Variants in ANKRD13B observed in about 807,000 individuals in gnomAD.
ANKRD13B encodes ankyrin repeat domain-containing protein 13B.
A neutral mutation model predicts 74.4 loss-of-function variants in ANKRD13B; 33 were observed. The ratio of observed to expected loss-of-function variants is 0.44; its 90% CI spans 0.34 to 0.59. The LOEUF (loss-of-function observed/expected upper bound fraction) is 0.59. Among genes scored for constraint, ANKRD13B ranks in the 20% least tolerant of loss-of-function variants. ANKRD13B has a pLI of 0.02. For missense variants in ANKRD13B, 676 were observed against 877.9 expected, an observed-to-expected ratio of 0.77 and a Z score of 2.91; for synonymous variants, 341 against 362.9, an observed-to-expected ratio of 0.94 and a Z score of 0.68.
Position 29,611,991 on chromosome 17 carries a change from C to T in ANKRD13B, c.1085C>T (p.Thr362Ile). ...GATATGGGCCGCCCCATGGAACTGA[C>T]CACCAAGACACAGAAGTGAGGCCCC... The part of the protein sequence containing the change: ...NRDMGRPMEL[T>I]TKTQKFKAKL... Residue 362 changes from threonine to isoleucine, a missense_variant, in exon 10 of 15, where the codon ACC (threonine) becomes ATC (isoleucine). Physicochemically the swap from Thr to Ile is moderately conservative, Grantham distance 89 (BLOSUM62 -1). Coordinates refer to ENST00000394859, the MANE Select transcript of ANKRD13B (RefSeq NM_152345.5). The surrounding 1 kb of genome is among the most constrained non-coding windows in gnomAD (Gnocchi z 4.3). 1 of 1,612,582 alleles carries T rather than the reference C, an allele frequency of 6.2e-7. No individual in the cohort carries two copies. The highest frequency in any genetic ancestry group is 8.5e-7 in the Non-Finnish European group (1 of 1,179,310).
chr17:29,613,518 G>GGC lies in ANKRD13B; in HGVS notation c.1826_1827dup (p.Gln610AlafsTer11). 2.0e-6 allele frequency: 3 copies of GGC among 1,526,080 alleles called. No homozygotes were observed. Among genetic ancestry groups the GGC allele is most frequent in the South Asian group, 1.2e-5 (1 of 81,522 alleles). The allele number at this position is 1,526,080 out of a possible 1,614,324, so 94.5% of individuals were successfully genotyped here. A position where few individuals can be genotyped will look rare whatever the true frequency, so the allele number is the denominator to read the frequency against. On this transcript the variant is annotated frameshift_variant, in exon 15 of 15. Transcript: ENST00000394859. LOFTEE classifies it high-confidence loss of function. Reference sequence around the variant, plus strand: ...GCGCAGGAGCAGGAGGAGAGGCGGCGGCGCGCGCGCCAGGAGGAGGAGGAG... The same window carrying GGC: ...GCGCAGGAGCAGGAGGAGAGGCGGCGGCGCGCGCGCGCCAGGAGGAGGAGGAG...
rs370416808 is a variant in ANKRD13B at position 29,609,231 on chromosome 17, C to G, written c.711C>G (p.Pro237=). The part of the protein sequence containing the change: ...EEQVLSRLTA[P]VVTTQLDTKN... ...AGGTGCTGAGCCGGCTTACCGCGCC[C>G]GTCGTCACCACTCAGCTTGACACCA... is the stretch of plus-strand genomic sequence containing the variant. The change falls in exon 6 of 15, where the codon CCC becomes CCG. Residue 237 remains proline, a synonymous_variant. Transcript: ENST00000394859. This position sits in a 1 kb window ranked among gnomAD's most constrained non-coding sequence, Gnocchi z 4.0. The G allele has an allele frequency of 1.2e-6, 2 of 1,613,164 alleles. No homozygotes were observed. Among genetic ancestry groups the G allele is most frequent in the East Asian group, 4.5e-5 (2 of 44,874 alleles).
In ANKRD13B at chr17:29,608,460, C is replaced by G. The variant is rs2034466354; in HGVS notation, c.421+220C>G. On this transcript the variant is annotated intron_variant, in intron 4 of 14. Transcript: ENST00000394859. This position sits in a 1 kb window ranked among gnomAD's most constrained non-coding sequence, Gnocchi z 6.4. ...TCTGTCATGATTTGCTTACTGTATT[C>G]ATGACCTGCCGCTCCTTGTTAGAAG... Among the ~76,000 whole-genome samples, 1 of 152,222 alleles carries G rather than the reference C, an allele frequency of 6.6e-6. No homozygotes were observed. Among genetic ancestry groups the G allele is most frequent in the African/African-American group, 2.4e-5 (1 of 41,454 alleles).
rs2034731106 is a variant in ANKRD13B at position 29,614,394 on chromosome 17, G to T, written c.*812G>T. The T allele has an allele frequency of 6.5e-6, 1 of 152,756 alleles. No homozygotes were observed. The highest frequency in any genetic ancestry group is 2.4e-5 in the African/African-American group (1 of 41,392). 9.5% of individuals were successfully genotyped at this position (152,756 alleles called of 1,614,324 possible). A position where few individuals can be genotyped will look rare whatever the true frequency, so the allele number is the denominator to read the frequency against. On this transcript the variant is annotated 3_prime_UTR_variant, in exon 15 of 15. Transcript: ENST00000394859. ...GACTGGACACAAAGGGCTCGCCCAG[G>T]GCCCTGGCGCCACCCCCACCCCTTC...
In ANKRD13B at chr17:29,611,175, G is replaced by A. The variant is rs560920620; in HGVS notation, c.905-404G>A. 2.6e-5 allele frequency among the ~76,000 whole-genome samples: 4 copies of A among 152,252 alleles called. No individual in the cohort carries two copies. The South Asian group carries it at 8.3e-4, about 32-fold the overall frequency. On this transcript the variant is annotated intron_variant, in intron 8 of 14. Transcript: ENST00000394859. This position sits in a 1 kb window ranked among gnomAD's most constrained non-coding sequence, Gnocchi z 4.3. ...TCTGGGTACCAGATACCGTGTCCGA[G>A]GTGAAAAAGCATAATTTCTACCTCA...
chr17:29,609,143 C>G lies in ANKRD13B; in HGVS notation c.623C>G (p.Thr208Ser). The G allele has an allele frequency of 1.2e-6, 2 of 1,612,604 alleles. No homozygotes were observed. The highest frequency in any genetic ancestry group is 8.5e-7 in the Non-Finnish European group (1 of 1,180,030). The change falls in exon 6 of 15, where the codon ACT becomes AGT. Residue 208 changes from threonine (T) to serine (S), a missense_variant. Coordinates refer to ENST00000394859, the MANE Select transcript of ANKRD13B (RefSeq NM_152345.5). The surrounding 1 kb of genome is among the most constrained non-coding windows in gnomAD (Gnocchi z 4.0). ...GACCGCCGGGTGGTGTACACAGAGA[C>G]TCTGGCACTGGCTGGGCAGGACCGG... ...DHDRRVVYTE[T>S]LALAGQDREL...
At chr17:29,610,216 G>T (rs1402755710) in intron 7 of ANKRD13B, among the ~76,000 whole-genome samples, 2 of 148,218 alleles carry the variant, frequency 1.3e-5, no homozygotes, top group East Asian at 3.9e-4. Flanking sequence ...AAAAGGCTCT[G>T]CCTGTTACTC....
rs750657150 is a variant in ANKRD13B at position 29,608,130 on chromosome 17, C to T, written c.375+20C>T. The T allele has an allele frequency of 6.2e-7, 1 of 1,613,716 alleles. No individual in the cohort carries two copies. Among genetic ancestry groups the T allele is most frequent in the Non-Finnish European group, 8.5e-7 (1 of 1,179,740 alleles). ...CGCAAGGTGAGGCCCAGCCTCTCAG[C>T]CTCCACGGGAGCCCTTGAGCCCTTC... On this transcript the variant is annotated intron_variant, in intron 3 of 14. Transcript: ENST00000394859. The surrounding 1 kb of genome is among the most constrained non-coding windows in gnomAD (Gnocchi z 6.4).
chr17:29,613,370 C>A lies in ANKRD13B; in HGVS notation c.1669C>A (p.Pro557Thr). 6.8e-7 allele frequency: 1 copy of A among 1,472,782 alleles called. No individual in the cohort carries two copies. The highest frequency in any genetic ancestry group is 8.9e-7 in the Non-Finnish European group (1 of 1,119,256). 91.2% of individuals were successfully genotyped at this position (1,472,782 alleles called of 1,614,324 possible). A position where few individuals can be genotyped will look rare whatever the true frequency, so the allele number is the denominator to read the frequency against. The change falls in exon 15 of 15, where the codon CCG (proline) becomes ACG (threonine). Residue 557 changes from proline to threonine, a missense_variant. Physicochemically the swap from Pro to Thr is conservative, Grantham distance 38 (BLOSUM62 -1). Transcript: ENST00000394859. ...RRQDRSAPPT[P>T]QRQPAPPASV... Reference sequence around the variant, plus strand: ...CACCCCCAGGAGCGCCCCGCCCACGCCGCAGCGCCAGCCTGCGCCCCCGGC... The same window carrying A: ...CACCCCCAGGAGCGCCCCGCCCACGACGCAGCGCCAGCCTGCGCCCCCGGC...
chr17:29,594,490 G>C (rs2033883127), intron 1 of ANKRD13B, among the ~76,000 whole-genome samples: 1 of 152,196 alleles, frequency 6.6e-6, no homozygotes, highest in Non-Finnish European at 1.5e-5. Context: ...CTGGGCAGTG[G>C]TCTCCAGAAA....
At chr17:29,613,214 G>A in intron 14 of ANKRD13B, 140 bp from the exon 15 acceptor site, 2 of 1,345,028 alleles carry the variant, frequency 1.5e-6, no homozygotes, top group East Asian at 5.2e-5. Flanking sequence ...GACCAGGTGG[G>A]GGCCAGGACG....
chr17:29,611,511 C>A lies in ANKRD13B; in HGVS notation c.905-68C>A. The A allele has an allele frequency of 6.5e-7, 1 of 1,545,278 alleles. No individual in the cohort carries two copies. Among genetic ancestry groups the A allele is most frequent in the Non-Finnish European group, 8.9e-7 (1 of 1,118,668 alleles). On this transcript the variant is annotated intron_variant, in intron 8 of 14. Transcript: ENST00000394859. The surrounding 1 kb of genome is among the most constrained non-coding windows in gnomAD (Gnocchi z 4.3). ...CTCCTCCCTAGGTCTTGGGTGCTGT[C>A]ACCTCTGATGAGGTGCCCAGGTGTG...
chr17:29,612,426 A>G lies in ANKRD13B; in HGVS notation c.1283A>G (p.Asn428Ser). ...GAAATCCCGATCTTCCACATCCTCAACGCCCGCATCACCTTCGGGAACCTC... is the reference window on the plus strand; with the variant it reads ...GAAATCCCGATCTTCCACATCCTCAGCGCCCGCATCACCTTCGGGAACCTC... The part of the protein sequence containing the change: ...KIEIPIFHIL[N>S]ARITFGNLNG... The change falls in exon 12 of 15, where the codon AAC (asparagine) becomes AGC (serine). Residue 428 changes from asparagine (N) to serine (S), a missense_variant. Around this residue, in one of 4 missense-constraint regions of ANKRD13B, gnomAD observed 328 missense variants for 518.4 expected, o/e 0.63. Transcript: ENST00000394859. This position sits in a 1 kb window ranked among gnomAD's most constrained non-coding sequence, Gnocchi z 6.1. 6.2e-7 allele frequency: 1 copy of G among 1,611,628 alleles called. No individual in the cohort carries two copies. Among genetic ancestry groups the G allele is most frequent in the South Asian group, 1.1e-5 (1 of 90,610 alleles).
In ANKRD13B at chr17:29,611,491, C is replaced by G. The variant is rs1392592504; in HGVS notation, c.905-88C>G. Reference sequence around the variant, plus strand: ...GCCCCACCCCAGGAACCGGCCTCCTCCCTAGGTCTTGGGTGCTGTCACCTC... The same window carrying G: ...GCCCCACCCCAGGAACCGGCCTCCTGCCTAGGTCTTGGGTGCTGTCACCTC... On this transcript the variant is annotated intron_variant, in intron 8 of 14. Coordinates refer to ENST00000394859, the MANE Select transcript of ANKRD13B (RefSeq NM_152345.5). This position sits in a 1 kb window ranked among gnomAD's most constrained non-coding sequence, Gnocchi z 4.3. 4 of 1,423,930 alleles carry G rather than the reference C, an allele frequency of 2.8e-6. No homozygotes were observed. The highest frequency in any genetic ancestry group is 4.0e-6 in the Non-Finnish European group (4 of 1,010,774). 88.2% of individuals were successfully genotyped at this position (1,423,930 alleles called of 1,614,324 possible).
rs1343055835 is a variant in ANKRD13B at position 29,613,697 on chromosome 17, TCGCGGG to T, written c.*116_*121del. The T allele has an allele frequency of 1.1e-5, 15 of 1,358,868 alleles. No homozygotes were observed. The East Asian group carries it at 4.3e-4, about 39-fold the overall frequency. The allele number at this position is 1,358,868 out of a possible 1,614,324, so 84.2% of individuals were successfully genotyped here. On this transcript the variant is annotated 3_prime_UTR_variant, in exon 15 of 15. Coordinates refer to ENST00000394859, the MANE Select transcript of ANKRD13B (RefSeq NM_152345.5). ...GCGGCTGGAGACTGGAGCCACCGCC[TCGCGGG>T]TGCAGCAGCACAGCAGGCACGGTTC...
At chr17:29,598,081 C>G (rs144081842) in intron 1 of ANKRD13B, among the ~76,000 whole-genome samples, 1 of 152,192 alleles carries the variant, frequency 6.6e-6, no homozygotes, top group African/African-American at 2.4e-5. Context: ...CTCCCACTCC[C>G]GCTGCCGGGC....
rs2034554171 is a variant in ANKRD13B at position 29,610,779 on chromosome 17, A to G, written c.904+13A>G. ...GGCAAGGTCAAAGGTAATGAGGCAG[A>G]GCTGGATGGGGAGAGGTGTTGCAGG... On this transcript the variant is annotated intron_variant, in intron 8 of 14. Transcript: ENST00000394859. 6 of 1,613,398 alleles carry G rather than the reference A, an allele frequency of 3.7e-6. No individual in the cohort carries two copies. The highest frequency in any genetic ancestry group is 5.1e-6 in the Non-Finnish European group (6 of 1,179,566).
intron 14 of ANKRD13B, 151 bp downstream of exon 14, chr17:29,613,114 GC>G: frequency 8.2e-7 from 1 of 1,221,502 alleles, no homozygotes; most frequent in Non-Finnish European, 1.1e-6. Context: ...GAGGCGGCAG[GC>G]AGGGGTCAGG....
In ANKRD13B at chr17:29,612,479, G is replaced by A; in HGVS notation, c.1336G>A (p.Val446Met). 1 of 1,595,938 alleles carries A rather than the reference G, an allele frequency of 6.3e-7. No individual in the cohort carries two copies. ...LNGCDEPVPS[V>M]RGSPSSETPS... ...CGGCTGCGACGAACCGGTGCCATCG[G>A]TGCGAGGCAGCCCCAGCAGCGAGAC... The change falls in exon 12 of 15, where the codon GTG becomes ATG. Residue 446 changes from valine to methionine, a missense_variant. By Grantham distance (21) the Val-to-Met change is conservative. This residue lies in a region of ANKRD13B where 152 missense variants were observed against 181.4 expected (regional missense o/e 0.84). Transcript: ENST00000394859. This position sits in a 1 kb window ranked among gnomAD's most constrained non-coding sequence, Gnocchi z 6.1.
Sources: allele counts gnomAD v4.1 joint callset (sites outside exome capture counted in the v4.1 genomes callset), GRCh38; gene constraint gnomAD v4.1.1; regional missense constraint gnomAD v4.1.1; non-coding constraint Gnocchi (gnomAD v3.1); transcripts MANE v1.5; gene names NCBI Gene and HGNC (gene_info 2026-07-23, HGNC 2026-07-21).